ADCY3: variants seen among roughly 807,000 people sequenced by gnomAD.
ADCY3 encodes adenylate cyclase type 3.
ADCY3 carries 70 observed loss-of-function variants against 119.4 expected under a neutral mutation model. The ratio of observed to expected loss-of-function variants is 0.59; its 90% confidence interval spans 0.48 to 0.72. The LOEUF is 0.72. Among genes scored for constraint, ADCY3 ranks in the 30% least tolerant of loss-of-function variants. ADCY3 has a pLI of 0.00. For synonymous variants in ADCY3, 672 were observed against 621.4 expected (o/e 1.08, Z -1.21); for missense variants, 1,238 against 1,541.6 (o/e 0.80, Z 3.30).
At chr2:24,820,934 C>CCCCCTATGCTGGGG in intron 20 of ADCY3, 86 bp from the exon 21 acceptor site, 1 of 1,542,000 alleles carries the variant, frequency 6.5e-7, no homozygotes. Context: ...AGACCTGTAC[C>CCCCCTATGCTGGGG]ACAAAGCTCC....
At chr2:24,856,940 A>G (rs564095624) in intron 3 of ADCY3, among the ~76,000 whole-genome samples, 10 of 152,314 alleles carry the variant, frequency 6.6e-5, no homozygotes, top group Admixed American at 6.5e-4. Context: ...AAAAGTCAGC[A>G]TATTTGGAAA....
At chr2:24,830,905 G>A in intron 12 of ADCY3, 80 bp from the exon 13 acceptor site, 1 of 1,128,594 alleles carries the variant, frequency 8.9e-7, no homozygotes, top group African/African-American at 1.5e-5. Flanking sequence ...AACTCAGGCT[G>A]GTCCCGTATT....
intron 2 of ADCY3, among the ~76,000 whole-genome samples, chr2:24,886,997 C>G (rs1422969743): frequency 6.6e-6 from 1 of 152,202 alleles, no homozygotes; most frequent in African/African-American, 2.4e-5. Flanking sequence ...CCCTAGCAGC[C>G]CCAGCTTTCT....
At chr2:24,851,877 C>T (rs1289171480) in intron 3 of ADCY3, among the ~76,000 whole-genome samples, 1 of 152,158 alleles carries the variant, frequency 6.6e-6, no homozygotes, top group East Asian at 1.9e-4. Flanking sequence ...CCTATTGTCT[C>T]GCGCGTTGTT....
Position 24,869,937 on chromosome 2 carries a change from G to C in ADCY3, c.825+2633C>G, listed in dbSNP as rs373242979. On this transcript the variant is annotated intron_variant, in intron 3 of 21. Transcript: ENST00000679454. ...ATGTAGGTAAATGGAAACTCACAGG[G>C]GGCAGGATTCCATCCTTCCCAATGG... 5.2e-4 allele frequency among the ~76,000 whole-genome samples: 79 copies of C among 152,170 alleles called. No individual in the cohort carries two copies. In the South Asian group the frequency reaches 0.015, roughly 30 times the overall value.
At chr2:24,887,926 A>T (rs1199951299) in intron 2 of ADCY3, among the ~76,000 whole-genome samples, 3 of 152,146 alleles carry the variant, frequency 2.0e-5, no homozygotes, top group Admixed American at 1.3e-4. Context: ...CATATTATAA[A>T]TTCCCAAGGT....
chr2:24,856,152 G>A (rs1219891273), intron 3 of ADCY3, among the ~76,000 whole-genome samples: 1 of 152,212 alleles, frequency 6.6e-6, no homozygotes, highest in Non-Finnish European at 1.5e-5. Context: ...TAGTGCTCAG[G>A]TGGCTGGGAA....
At chr2:24,853,409 C>T (rs1298705126) in intron 3 of ADCY3, among the ~76,000 whole-genome samples, 5 of 151,490 alleles carry the variant, frequency 3.3e-5, no homozygotes, top group African/African-American at 4.8e-5. Flanking sequence ...TTCCTGTAAT[C>T]CTTTTTTATT....
chr2:24,888,919 G>T (rs770838819), intron 2 of ADCY3, among the ~76,000 whole-genome samples: 6 of 152,234 alleles, frequency 3.9e-5, no homozygotes, highest in Non-Finnish European at 8.8e-5. Flanking sequence ...TGAGGCAGGA[G>T]AATTGCTTGA....
intron 13 of ADCY3, among the ~76,000 whole-genome samples, chr2:24,828,700 C>A (rs936886035): frequency 6.6e-6 from 1 of 152,220 alleles, no homozygotes; most frequent in Non-Finnish European, 1.5e-5. Context: ...CGGAATCAAC[C>A]CCCCCTTTTT....
chr2:24,911,156 A>AACC (rs1241593468), intron 2 of ADCY3, among the ~76,000 whole-genome samples: 1 of 151,716 alleles, frequency 6.6e-6, no homozygotes, highest in African/African-American at 2.4e-5. Flanking sequence ...TGGGTTGAGA[A>AACC]ACCAAAACCC....
At chr2:24,880,550 A>C (rs1676264612) in intron 2 of ADCY3, among the ~76,000 whole-genome samples, 2 of 152,252 alleles carry the variant, frequency 1.3e-5, no homozygotes, top group Admixed American at 1.3e-4. Flanking sequence ...ACCCTTGTCA[A>C]GCTCTTAGCA....
intron 2 of ADCY3, among the ~76,000 whole-genome samples, chr2:24,881,549 C>A (rs535146809): frequency 6.6e-6 from 1 of 152,312 alleles, no homozygotes; most frequent in South Asian, 2.1e-4. Flanking sequence ...GCTCCTGATG[C>A]GTCTGTGTGT....
In ADCY3 at chr2:24,896,936, C is replaced by T. The variant is rs924725488; in HGVS notation, c.675+21377G>A. Among the ~76,000 whole-genome samples the T allele has an allele frequency of 7.9e-5, 12 of 152,148 alleles. No homozygotes were observed. In the East Asian group the frequency reaches 2.3e-3, roughly 29 times the overall value. ...GCTAGGTAATGAACGATAGGGCTCA[C>T]TCGGTTAGTCTTCTTTTTCCAAGGA... On this transcript the variant is annotated intron_variant, in intron 2 of 21. Transcript: ENST00000679454.
intron 3 of ADCY3, among the ~76,000 whole-genome samples, chr2:24,858,447 T>C (rs1673265105): frequency 6.6e-6 from 1 of 152,212 alleles, no homozygotes; most frequent in South Asian, 2.1e-4. Context: ...TGATTCTTCC[T>C]GTTAATTAAC....
At chr2:24,908,174 T>C (rs1341894960) in intron 2 of ADCY3, among the ~76,000 whole-genome samples, 6 of 151,724 alleles carry the variant, frequency 4.0e-5, no homozygotes, top group Non-Finnish European at 7.4e-5. Context: ...ATGCAAAAAT[T>C]AGCTGGGCAT....
In ADCY3 at chr2:24,862,929, A is replaced by G. The variant is rs1284329730; in HGVS notation, c.825+9641T>C. ...TATGTGCAGGCACTGTGCAATAACT[A>G]CTTAACACTTATCTCCCCTAAGGCC... On this transcript the variant is annotated intron_variant, in intron 3 of 21. Coordinates refer to ENST00000679454, the MANE Select transcript of ADCY3 (RefSeq NM_004036.5). Among the ~76,000 whole-genome samples the G allele has an allele frequency of 3.3e-5, 5 of 150,596 alleles. No homozygotes were observed. In the South Asian group the frequency reaches 8.4e-4, roughly 25 times the overall value.
chr2:24,834,576 C>T lies in ADCY3; in HGVS notation c.1876G>A (p.Val626Met). Residue 626 changes from valine to methionine, a missense_variant, in exon 11 of 22, where the codon GTG becomes ATG. Physicochemically the swap from Val to Met is conservative, Grantham distance 21. Transcript: ENST00000679454. The surrounding 1 kb of genome is among the most constrained non-coding windows in gnomAD (Gnocchi z 4.2). ...GCCCCACTCTGCTTCTCCTTCTCCA[C>T]CGAGTAGCGGGTTTCCATCTCGGGG... Reference protein sequence around the residue: ...MDPEMETRYSVEKEKQSGAAF... With the variant: ...MDPEMETRYSMEKEKQSGAAF... 6.2e-7 allele frequency: 1 copy of T among 1,614,136 alleles called. No individual in the cohort carries two copies.
At position 24,899,044 on chromosome 2, in the gene ADCY3, G is replaced by A. The variant is rs1458774294; in HGVS notation, c.675+19269C>T. 1.3e-5 allele frequency among the ~76,000 whole-genome samples: 2 copies of A among 151,904 alleles called. No individual in the cohort carries two copies. The highest frequency in any genetic ancestry group is 2.9e-5 in the Non-Finnish European group (2 of 67,986). Reference sequence around the variant, plus strand: ...CATGCCCCTTGTCACCCTGAATCCCGGTGTCACTGGCTTCCAATGTCCCCC... The same window carrying A: ...CATGCCCCTTGTCACCCTGAATCCCAGTGTCACTGGCTTCCAATGTCCCCC... On this transcript the variant is annotated intron_variant, in intron 2 of 21. Coordinates refer to ENST00000679454, the MANE Select transcript of ADCY3 (RefSeq NM_004036.5). This position sits in a 1 kb window ranked among gnomAD's most constrained non-coding sequence, Gnocchi z 4.5.
Sources: gnomAD v4.1 joint callset for allele counts (sites outside exome capture counted in the v4.1 genomes callset) on GRCh38, gnomAD v4.1.1 for gene constraint, Gnocchi (gnomAD v3.1) non-coding constraint, MANE v1.5 for transcripts, NCBI Gene and HGNC (gene_info 2026-07-23, HGNC 2026-07-21) for gene names.